LINGO2: variants seen among roughly 807,000 people sequenced by gnomAD.
LINGO2 encodes leucine rich repeat and Ig domain containing 2.
In LINGO2, 14 loss-of-function variants were observed where a neutral mutation model predicts 30.6. The observed-to-expected ratio is 0.46, with a 90% confidence interval of 0.30 to 0.72. The LOEUF (loss-of-function observed/expected upper bound fraction) is 0.72, where lower values mean the gene tolerates loss of function less well. Among genes scored for constraint, LINGO2 ranks in the 30% least tolerant of loss-of-function variants. The pLI is 0.07. For synonymous variants in LINGO2, 317 were observed against 288.5 expected (o/e 1.10, Z -1.00); for missense variants, 729 against 751.7 (o/e 0.97, Z 0.35).
the LINGO2 span, among the ~76,000 whole-genome samples, chr9:29,110,008 G>A: frequency 2.6e-5 from 4 of 152,124 alleles, no homozygotes; most frequent in African/African-American, 7.2e-5. Flanking sequence ...GGAGGATGTA[G>A]AAGAATTTAG....
chr9:29,047,051 A>ACAAAAAAAAAAAAAAAC, the LINGO2 span, among the ~76,000 whole-genome samples: 4 of 106,908 alleles, frequency 3.7e-5, no homozygotes, highest in Non-Finnish European at 8.1e-5. Context: ...AAAAAAAAAA[A>ACAAAAAAAAAAAAAAAC]CCAAAAACAA....
intron 4 of LINGO2, among the ~76,000 whole-genome samples, chr9:28,166,555 T>A (rs558202956): frequency 1.3e-5 from 2 of 152,306 alleles, no homozygotes; most frequent in East Asian, 3.9e-4. Flanking sequence ...GATTTTAACT[T>A]ACTGAGATGG....
intron 1 of LINGO2, among the ~76,000 whole-genome samples, chr9:28,501,932 A>G (rs777277842): frequency 6.6e-6 from 1 of 152,108 alleles, no homozygotes; most frequent in African/African-American, 2.4e-5. Flanking sequence ...AAAGTGAGGC[A>G]TTTGTTTTGC....
At chr9:28,502,898 C>T (rs773681135) in intron 1 of LINGO2, among the ~76,000 whole-genome samples, 23 of 152,000 alleles carry the variant, frequency 1.5e-4, no homozygotes, top group Non-Finnish European at 2.9e-5. Flanking sequence ...GAAAATGAGG[C>T]ATGAAAGGAA....
chr9:28,750,228 G>A, the LINGO2 span, among the ~76,000 whole-genome samples: 1 of 152,102 alleles, frequency 6.6e-6, no homozygotes, highest in African/African-American at 2.4e-5. Context: ...AGAGGAAATG[G>A]CAGTTATGAA....
At chr9:29,077,437 A>G in the LINGO2 span, among the ~76,000 whole-genome samples, 1 of 152,158 alleles carries the variant, frequency 6.6e-6, no homozygotes, top group South Asian at 2.1e-4. Context: ...ATGAGATCAG[A>G]TACAACCTAC....
intron 2 of LINGO2, among the ~76,000 whole-genome samples, chr9:28,430,360 A>T (rs1206515072): frequency 6.6e-6 from 1 of 152,164 alleles, no homozygotes. Context: ...AGTATGGCAT[A>T]TAAGATTTGT....
At chr9:28,992,542 C>T in the LINGO2 span, among the ~76,000 whole-genome samples, 1 of 152,156 alleles carries the variant, frequency 6.6e-6, no homozygotes, top group East Asian at 1.9e-4. Flanking sequence ...ACTCTCCACC[C>T]CAAATCAACA....
chr9:28,788,044 T>C, the LINGO2 span, among the ~76,000 whole-genome samples: 1 of 152,176 alleles, frequency 6.6e-6, no homozygotes, highest in Non-Finnish European at 1.5e-5. Context: ...TGATGAACTA[T>C]ATCTGAAGTC....
intron 4 of LINGO2, among the ~76,000 whole-genome samples, chr9:28,088,152 C>T (rs919876107): frequency 1.3e-5 from 2 of 151,584 alleles, no homozygotes; most frequent in African/African-American, 4.8e-5. Context: ...AACAATACCT[C>T]CTGCATAGGG....
At chr9:28,065,964 T>C (rs1014978425) in intron 4 of LINGO2, among the ~76,000 whole-genome samples, 2 of 151,984 alleles carry the variant, frequency 1.3e-5, no homozygotes, top group African/African-American at 4.8e-5. Context: ...GCATATAATG[T>C]TCTCTCTCTG....
intron 4 of LINGO2, among the ~76,000 whole-genome samples, chr9:28,057,452 T>A (rs952504128): frequency 8.6e-5 from 13 of 151,492 alleles, no homozygotes; most frequent in African/African-American, 3.2e-4. Flanking sequence ...GTTTTCAAAA[T>A]TTAGGCCCAT....
At chr9:28,396,138 A>G (rs1301728462) in intron 2 of LINGO2, among the ~76,000 whole-genome samples, 1 of 152,140 alleles carries the variant, frequency 6.6e-6, no homozygotes, top group Non-Finnish European at 1.5e-5. Flanking sequence ...CGAAATGTAG[A>G]AGATTGATGA....
the LINGO2 span, among the ~76,000 whole-genome samples, chr9:29,146,544 C>G: frequency 8.5e-5 from 13 of 152,194 alleles, no homozygotes; most frequent in Non-Finnish European, 1.6e-4. Context: ...TTCAATAATT[C>G]TTATAGAAAA....
the LINGO2 span, among the ~76,000 whole-genome samples, chr9:29,079,088 C>A: frequency 6.6e-6 from 1 of 151,938 alleles, no homozygotes; most frequent in East Asian, 1.9e-4. Context: ...TAAACCAGTA[C>A]ATGATTCCGT....
At chr9:28,899,442 C>T in the LINGO2 span, among the ~76,000 whole-genome samples, 2 of 152,200 alleles carry the variant, frequency 1.3e-5, no homozygotes, top group Non-Finnish European at 2.9e-5. Context: ...CAGGGTTAGG[C>T]TGGCCCCAGT....
the LINGO2 span, among the ~76,000 whole-genome samples, chr9:28,877,808 T>A: frequency 6.6e-6 from 1 of 152,272 alleles, no homozygotes; most frequent in South Asian, 2.1e-4. Flanking sequence ...GGTAGCTTGA[T>A]GGGGATGGCA....
intron 4 of LINGO2, among the ~76,000 whole-genome samples, chr9:28,139,945 C>T (rs1827626683): frequency 6.6e-6 from 1 of 152,174 alleles, no homozygotes; most frequent in African/African-American, 2.4e-5. Context: ...ATTCACCTCA[C>T]CTTACAAGCA....
At chr9:29,082,173 A>G in the LINGO2 span, among the ~76,000 whole-genome samples, 1 of 152,188 alleles carries the variant, frequency 6.6e-6, no homozygotes, top group Admixed American at 6.6e-5. Context: ...ACCTGACTTC[A>G]AACTATACTA....
Sources: gnomAD v4.1 joint callset for allele counts (sites outside exome capture counted in the v4.1 genomes callset) on GRCh38, gnomAD v4.1.1 for gene constraint, MANE v1.5 for transcripts, NCBI Gene and HGNC (gene_info 2026-07-23, HGNC 2026-07-21) for gene names.